Variants in SLC38A10 observed in about 807,000 individuals in gnomAD.
SLC38A10 encodes solute carrier family 38 member 10, also known as Sodium-coupled neutral amino acid transporter 10.
In SLC38A10, 53 loss-of-function variants were observed where a neutral mutation model predicts 81.0. The observed-to-expected ratio is 0.65, with a 90% CI of 0.53 to 0.82. SLC38A10 has a LOEUF of 0.82. Among genes scored for constraint, SLC38A10 ranks in the 40% least tolerant of loss-of-function variants. SLC38A10 has a pLI of 0.00. For synonymous variants in SLC38A10, 665 were observed against 655.3 expected (o/e 1.01, Z -0.23); for missense variants, 1,471 against 1,545.0 (o/e 0.95, Z 0.80).
Position 81,245,624 on chromosome 17 carries a change from C to A in SLC38A10, c.3292G>T (p.Gly1098Trp). Residue 1098 changes from glycine (G) to tryptophan (W), a missense_variant, in exon 16 of 16, where the codon GGG becomes TGG. Around this residue, in one of 2 missense-constraint regions of SLC38A10, gnomAD observed 751 missense variants for 717.4 expected, o/e 1.05. Transcript: ENST00000374759. ...CTGTGGACCACCTGCAGAGCTCCCC[C>A]CGCAGCCTGGCGGAGCTGGGCATCC... ...ALDAQLRQAA[G>W]GALQVVHSRQ... 6.2e-7 allele frequency: 1 copy of A among 1,612,320 alleles called. No individual in the cohort carries two copies. Among genetic ancestry groups the A allele is most frequent in the East Asian group, 2.2e-5 (1 of 44,872 alleles).
In SLC38A10 at chr17:81,246,020, C is replaced by G; in HGVS notation, c.2896G>C (p.Asp966His). Residue 966 changes from aspartate (D) to histidine (H), a missense_variant, in exon 16 of 16, where the codon GAT becomes CAT. Physicochemically the swap from Asp to His is moderately conservative, Grantham distance 81. Transcript: ENST00000374759. ...LRQPELRVIS[D>H]GEQGGQQGHR... ...CCCTGCTGTCCACCCTGCTCGCCAT[C>G]AGAGATGACCCGCAGTTCCGGCTGG... 6.2e-7 allele frequency: 1 copy of G among 1,610,260 alleles called. No homozygotes were observed. The highest frequency in any genetic ancestry group is 8.5e-7 in the Non-Finnish European group (1 of 1,178,950).
Position 81,277,245 on chromosome 17 carries a change from T to A in SLC38A10, c.627-112A>T. 9 of 903,744 alleles carry A rather than the reference T, an allele frequency of 1.0e-5. No individual in the cohort carries two copies. The highest frequency in any genetic ancestry group is 1.1e-5 in the Non-Finnish European group (6 of 571,194). 56.0% of individuals were successfully genotyped at this position (903,744 alleles called of 1,614,324 possible). On this transcript the variant is annotated intron_variant, in intron 6 of 15. Coordinates refer to ENST00000374759, the MANE Select transcript of SLC38A10 (RefSeq NM_001037984.3). This position sits in a 1 kb window ranked among gnomAD's most constrained non-coding sequence, Gnocchi z 4.5. ...AGTGAGAGTCTCTGACCTTCCTTCA[T>A]GCAACATTCTCTGCACACTGGAAGT...
chr17:81,251,173 C>G (rs755244392), intron 14 of SLC38A10: 4 of 1,526,270 alleles, frequency 2.6e-6, no homozygotes, highest in African/African-American at 1.4e-5. Context: ...GCTTTAAAGA[C>G]GAAATGGTAA....
intron 9 of SLC38A10, 49 bp downstream of exon 9, chr17:81,272,467 G>A (rs559344640): frequency 1.5e-5 from 19 of 1,286,210 alleles, no homozygotes; most frequent in South Asian, 1.4e-4. Context: ...GGTTGATGCC[G>A]AAGCCCCGGG....
chr17:81,264,468 T>TCCAGGGGCCTGA (rs1313466424), intron 10 of SLC38A10: 1 of 152,014 alleles, frequency 6.6e-6, no homozygotes, highest in Non-Finnish European at 1.5e-5. Flanking sequence ...GCTTGGAAAA[T>TCCAGGGGCCTGA]CCAGGGGCCT....
chr17:81,287,308 G>A (rs953271159), intron 2 of SLC38A10, among the ~76,000 whole-genome samples: 8 of 152,190 alleles, frequency 5.3e-5, no homozygotes, highest in Non-Finnish European at 2.9e-5. Flanking sequence ...CCACCCAGCC[G>A]TCCCAGGGAA....
chr17:81,252,213 C>A lies in SLC38A10; in HGVS notation c.1927G>T (p.Ala643Ser), dbSNP rs756738849. 2.0e-6 allele frequency: 3 copies of A among 1,520,514 alleles called. No individual in the cohort carries two copies. Among genetic ancestry groups the A allele is most frequent in the African/African-American group, 1.4e-5 (1 of 71,926 alleles). The allele number at this position is 1,520,514 out of a possible 1,614,324, so 94.2% of individuals were successfully genotyped here. ...CACCCACCGTGGTCGCTGTCCTCTGCGGGCTGCCCTGTGTCCCCGGCGGCG... is the reference window on the plus strand; with the variant it reads ...CACCCACCGTGGTCGCTGTCCTCTGAGGGCTGCCCTGTGTCCCCGGCGGCG... The part of the protein sequence containing the change: ...GNAAGDTGQP[A>S]EDSDHGGKPP... The change falls in exon 13 of 16, where the codon GCA becomes TCA. Residue 643 changes from alanine to serine, a missense_variant. Physicochemically the swap from Ala to Ser is moderately conservative, Grantham distance 99. This residue lies in a region of SLC38A10 where 751 missense variants were observed against 717.4 expected (regional missense o/e 1.05). Transcript: ENST00000374759.
intron 8 of SLC38A10, 46 bp from the exon 9 acceptor site, chr17:81,272,673 C>T (rs745744661): frequency 5.1e-6 from 7 of 1,360,216 alleles, no homozygotes; most frequent in Middle Eastern, 1.9e-4. Flanking sequence ...TGATTTCCTC[C>T]ACCACTCTCC....
chr17:81,271,159 A>G, intron 9 of SLC38A10, 135 bp from the exon 10 acceptor site: 1 of 706,968 alleles, frequency 1.4e-6, no homozygotes, highest in Non-Finnish European at 2.4e-6. Context: ...CCGGGAGCAG[A>G]GACGCCCTCT....
At position 81,253,152 on chromosome 17, in the gene SLC38A10, G is replaced by A; in HGVS notation, c.1377C>T (p.Ile459=). 1 of 1,613,930 alleles carries A rather than the reference G, an allele frequency of 6.2e-7. No homozygotes were observed. Among genetic ancestry groups the A allele is most frequent in the East Asian group, 2.2e-5 (1 of 44,886 alleles). ...GTCCAGGCACATCCACGGGCCCCTT[G>A]ATCTGGGCCTGCTCCAGCTCCTCTC... ...KEREELEQAQ[I]KGPVDVPGRE... is the part of the protein sequence containing the mutation. Residue 459 remains isoleucine, a synonymous_variant, in exon 12 of 16, where the codon ATC becomes ATT. Coordinates refer to ENST00000374759, the MANE Select transcript of SLC38A10 (RefSeq NM_001037984.3). The surrounding 1 kb of genome is among the most constrained non-coding windows in gnomAD (Gnocchi z 4.1).
chr17:81,272,687 A>G, intron 8 of SLC38A10, 60 bp from the exon 9 acceptor site: 1 of 1,286,188 alleles, frequency 7.8e-7, no homozygotes. Flanking sequence ...ACTCTCCTAG[A>G]AAGCAAAGCC....
At chr17:81,272,892 T>C (rs992887742) in intron 8 of SLC38A10, among the ~76,000 whole-genome samples, 1 of 152,226 alleles carries the variant, frequency 6.6e-6, no homozygotes, top group Non-Finnish European at 1.5e-5. Flanking sequence ...TTTTGAAATG[T>C]GAGTATCGAG....
At chr17:81,259,970 C>T (rs574403925) in intron 11 of SLC38A10, among the ~76,000 whole-genome samples, 1 of 152,358 alleles carries the variant, frequency 6.6e-6, no homozygotes, top group South Asian at 2.1e-4. Flanking sequence ...GAGTGGCAGG[C>T]ATCCAGGCCA....
At chr17:81,258,183 C>T (rs1335271446) in intron 11 of SLC38A10, among the ~76,000 whole-genome samples, 1 of 152,184 alleles carries the variant, frequency 6.6e-6, no homozygotes, top group Non-Finnish European at 1.5e-5. Context: ...CAGCAGGTAC[C>T]ATCTTTGGCC....
Position 81,283,319 on chromosome 17 carries a change from C to A in SLC38A10, c.357+90G>T. 1 of 1,195,166 alleles carries A rather than the reference C, an allele frequency of 8.4e-7. No individual in the cohort carries two copies. Among genetic ancestry groups the A allele is most frequent in the Non-Finnish European group, 1.2e-6 (1 of 828,108 alleles). 74.0% of individuals were successfully genotyped at this position (1,195,166 alleles called of 1,614,324 possible). ...CGACAGAAGCTTCTCCCGACCAGCA[C>A]CCAGGTCTCGGTCCTCGGGAGGATC... is the stretch of plus-strand genomic sequence containing the variant. On this transcript the variant is annotated intron_variant, in intron 4 of 15. Transcript: ENST00000374759. The surrounding 1 kb of genome is among the most constrained non-coding windows in gnomAD (Gnocchi z 4.7).
At chr17:81,272,182 A>C (rs2063122583) in intron 9 of SLC38A10, among the ~76,000 whole-genome samples, 1 of 151,822 alleles carries the variant, frequency 6.6e-6, no homozygotes, top group South Asian at 2.1e-4. Context: ...ACAGGCATGC[A>C]CCATGACGCC....
At chr17:81,257,488 G>A (rs984325087) in intron 11 of SLC38A10, among the ~76,000 whole-genome samples, 1 of 152,168 alleles carries the variant, frequency 6.6e-6, no homozygotes, top group Non-Finnish European at 1.5e-5. Flanking sequence ...TCCTGAGATG[G>A]CAGGGAGCTG....
At chr17:81,262,563 A>C (rs2063033223) in intron 10 of SLC38A10, among the ~76,000 whole-genome samples, 1 of 152,196 alleles carries the variant, frequency 6.6e-6, no homozygotes, top group Non-Finnish European at 1.5e-5. Context: ...AGAAGCTACA[A>C]AAAAAAATTT....
intron 1 of SLC38A10, among the ~76,000 whole-genome samples, chr17:81,290,066 T>G (rs763093810): frequency 2.6e-5 from 4 of 152,326 alleles, no homozygotes; most frequent in Middle Eastern, 3.4e-3. Context: ...CAAGTCTTCA[T>G]GGACAGCGGG....
Sources: gnomAD v4.1 joint callset for allele counts (sites outside exome capture counted in the v4.1 genomes callset) on GRCh38, gnomAD v4.1.1 for gene constraint, gnomAD v4.1.1 regional missense constraint, Gnocchi (gnomAD v3.1) non-coding constraint, MANE v1.5 for transcripts, NCBI Gene and HGNC (gene_info 2026-07-23, HGNC 2026-07-21) for gene names.